Variants in ADCY2 observed in about 807,000 individuals in gnomAD.
The protein encoded by ADCY2 is adenylate cyclase type 2.
ADCY2 carries 31 observed loss-of-function variants against 125.2 expected under a neutral mutation model. The observed-to-expected ratio is 0.25, with a 90% confidence interval of 0.19 to 0.33. The LOEUF (loss-of-function observed/expected upper bound fraction) is 0.33. Among genes scored for constraint, ADCY2 ranks in the 10% least tolerant of loss-of-function variants. The pLI, the probability that ADCY2 is intolerant of heterozygous loss-of-function variation, is 1.00. For missense variants in ADCY2, 904 were observed against 1,418.2 expected (o/e 0.64, Z 5.82); for synonymous variants, 512 against 548.4 (o/e 0.93, Z 0.93).
chr5:7,784,019 C>T (rs2306052), intron 18 of ADCY2, among the ~76,000 whole-genome samples: 7 of 152,086 alleles, frequency 4.6e-5, no homozygotes, highest in South Asian at 4.1e-4. Context: ...TGTCTCTTTC[C>T]GAGAGTAATG....
chr5:7,827,005 G>A lies in ADCY2; in HGVS notation c.*134G>A, dbSNP rs1745503708. The stretch of plus-strand genomic sequence containing the variant: ...GGAGCCTCTGCAGACTCGTTCTCGT[G>A]ACCCAGTGGCATACCGTTTGGTGTC... On this transcript the variant is annotated 3_prime_UTR_variant, in exon 25 of 25. Coordinates refer to ENST00000338316, the MANE Select transcript of ADCY2 (RefSeq NM_020546.3). 2 of 1,093,046 alleles carry A rather than the reference G, an allele frequency of 1.8e-6. No homozygotes were observed. The highest frequency in any genetic ancestry group is 5.6e-5 in the Admixed American group (2 of 35,850). 67.7% of individuals were successfully genotyped at this position (1,093,046 alleles called of 1,614,324 possible).
At chr5:7,407,357 G>C in intron 1 of ADCY2, among the ~76,000 whole-genome samples, 1 of 152,128 alleles carries the variant, frequency 6.6e-6, no homozygotes, top group East Asian at 1.9e-4. Flanking sequence ...ATTTATCAAG[G>C]AAAGAGATTT....
rs563580962 is a variant in ADCY2 at position 7,677,966 on chromosome 5, A to G, written c.721-12725A>G. 2.0e-5 allele frequency among the ~76,000 whole-genome samples: 3 copies of G among 152,340 alleles called. No individual in the cohort carries two copies. In the East Asian group the frequency reaches 5.8e-4, roughly 29 times the overall value. On this transcript the variant is annotated intron_variant, in intron 4 of 24. Coordinates refer to ENST00000338316, the MANE Select transcript of ADCY2 (RefSeq NM_020546.3). ...TTAATATTTTACCAGACTCAGCTTT[A>G]TACATGTCAATTTAGTACTCTTAAG...
intron 16 of ADCY2, among the ~76,000 whole-genome samples, chr5:7,763,240 G>A (rs188499914): frequency 4.6e-5 from 7 of 152,014 alleles, no homozygotes; most frequent in African/African-American, 1.7e-4. Context: ...ACAGGCGCCC[G>A]CCACCACGCC....
intron 2 of ADCY2, among the ~76,000 whole-genome samples, chr5:7,441,537 GA>G (rs1016868440): frequency 6.6e-6 from 1 of 151,588 alleles, no homozygotes; most frequent in Non-Finnish European, 1.5e-5. Context: ...AAAAAATAAA[GA>G]AAAAAAGCCC....
intron 2 of ADCY2, among the ~76,000 whole-genome samples, chr5:7,422,290 C>T (rs1267522093): frequency 6.6e-6 from 1 of 152,054 alleles, no homozygotes; most frequent in Non-Finnish European, 1.5e-5. Context: ...ATCTTCCTGC[C>T]TCAGCCTCCC....
At chr5:7,711,481 A>G (rs899540665) in intron 10 of ADCY2, among the ~76,000 whole-genome samples, 3 of 152,088 alleles carry the variant, frequency 2.0e-5, no homozygotes, top group Admixed American at 1.3e-4. Flanking sequence ...GTCGAATGTG[A>G]TTTCCTGTGC....
rs1322125128 is a variant in ADCY2, at chr5:7,785,387, C to T, written c.2469+938C>T. 3.9e-5 allele frequency among the ~76,000 whole-genome samples: 6 copies of T among 152,176 alleles called. No homozygotes were observed. In the East Asian group the frequency reaches 9.6e-4, roughly 24 times the overall value. On this transcript the variant is annotated intron_variant, in intron 19 of 24. Coordinates refer to ENST00000338316, the MANE Select transcript of ADCY2 (RefSeq NM_020546.3). ...CCCAAGCAGTGTGAGCTGCATCCTC[C>T]GTAGGAGCTCATGGTGCAGCCCTCA...
chr5:7,616,164 C>T (rs1255477155), intron 3 of ADCY2, among the ~76,000 whole-genome samples: 1 of 152,102 alleles, frequency 6.6e-6, no homozygotes. Flanking sequence ...TCAGGAACCT[C>T]TGCATTAGTG....
chr5:7,587,542 T>C (rs2126620085), intron 3 of ADCY2, among the ~76,000 whole-genome samples: 1 of 152,326 alleles, frequency 6.6e-6, no homozygotes, highest in African/African-American at 2.4e-5. Flanking sequence ...CCACAGTTGA[T>C]GGGCTCCTGT....
intron 14 of ADCY2, 145 bp from the exon 15 acceptor site, chr5:7,743,523 G>A: frequency 1.4e-6 from 1 of 727,254 alleles, no homozygotes; most frequent in Middle Eastern, 2.5e-4. Context: ...TGGCATTTTA[G>A]CTCCATTTTT....
At chr5:7,408,557 G>A (rs1057302002) in intron 1 of ADCY2, among the ~76,000 whole-genome samples, 1 of 151,730 alleles carries the variant, frequency 6.6e-6, no homozygotes, top group Non-Finnish European at 1.5e-5. Context: ...TAGTAGAGAC[G>A]GGGTTTCATC....
chr5:7,661,125 G>C (rs1287605562), intron 4 of ADCY2, among the ~76,000 whole-genome samples: 1 of 152,036 alleles, frequency 6.6e-6, no homozygotes, highest in Non-Finnish European at 1.5e-5. Context: ...TATCTCTAAA[G>C]CTTGGGGCAT....
chr5:7,423,215 C>T (rs1740274880), intron 2 of ADCY2, among the ~76,000 whole-genome samples: 1 of 152,218 alleles, frequency 6.6e-6, no homozygotes, highest in Non-Finnish European at 1.5e-5. Flanking sequence ...CTGAGCTGGG[C>T]TCAGCCTGCA....
chr5:7,751,149 T>C (rs977996645), intron 15 of ADCY2, among the ~76,000 whole-genome samples: 9 of 152,214 alleles, frequency 5.9e-5, no homozygotes, highest in South Asian at 2.1e-4. Context: ...AATTTCAATA[T>C]CTACATTTTC....
At chr5:7,601,054 A>G (rs1737184447) in intron 3 of ADCY2, among the ~76,000 whole-genome samples, 1 of 152,138 alleles carries the variant, frequency 6.6e-6, no homozygotes, top group Admixed American at 6.5e-5. Context: ...GGAAGCTGGT[A>G]CCATAGAGGC....
At chr5:7,455,747 G>A (rs784089) in intron 2 of ADCY2, among the ~76,000 whole-genome samples, 50,275 of 145,508 alleles carry the variant, frequency 0.35, 9,054 homozygotes, top group East Asian at 0.63. Context: ...TACAGTATGT[G>A]TTATATAAAA....
At chr5:7,759,112 T>G (rs967974703) in intron 16 of ADCY2, among the ~76,000 whole-genome samples, 2 of 152,126 alleles carry the variant, frequency 1.3e-5, no homozygotes, top group Admixed American at 1.3e-4. Context: ...CAAAGGGGCC[T>G]TCAGAGAGAA....
intron 4 of ADCY2, among the ~76,000 whole-genome samples, chr5:7,683,360 A>G (rs1411343624): frequency 1.3e-5 from 2 of 152,252 alleles, no homozygotes; most frequent in East Asian, 3.8e-4. Context: ...GTGTGCACAT[A>G]CTTGCATGAA....
Sources: allele counts gnomAD v4.1 joint callset (sites outside exome capture counted in the v4.1 genomes callset), GRCh38; gene constraint gnomAD v4.1.1; transcripts MANE v1.5; gene names NCBI Gene and HGNC (gene_info 2026-07-23, HGNC 2026-07-21).